The following SCAPER variants were observed in gnomAD, a reference collection of about 807,000 sequenced individuals.
The protein encoded by SCAPER is S-phase cyclin A associated protein in the ER.
A neutral mutation model predicts 182.2 loss-of-function variants in SCAPER; 98 were observed. That is an observed-to-expected ratio of 0.54 (90% CI 0.46 to 0.64). The LOEUF (loss-of-function observed/expected upper bound fraction) is 0.64. Among genes scored for constraint, SCAPER ranks in the 30% least tolerant of loss-of-function variants. The pLI, the probability that SCAPER is intolerant of heterozygous loss-of-function variation, is 0.00. For synonymous variants in SCAPER, 605 were observed against 564.6 expected, an observed-to-expected ratio of 1.07 and a Z score of -1.01; for missense variants, 1,432 against 1,690.0, an observed-to-expected ratio of 0.85 and a Z score of 2.68.
At chr15:76,567,502 G>T in intron 23 of SCAPER, 1 of 307,210 alleles carries the variant, frequency 3.3e-6, no homozygotes, top group East Asian at 1.1e-4. Flanking sequence ...CACAAACATT[G>T]TCTGTATGTT....
chr15:76,877,741 A>AAG (rs1465666065), intron 2 of SCAPER, among the ~76,000 whole-genome samples: 1 of 152,218 alleles, frequency 6.6e-6, no homozygotes, highest in Non-Finnish European at 1.5e-5. Context: ...AAAGTCAAGA[A>AAG]AGAGAAAGGC....
chr15:76,463,898 C>T (rs1024135346), intron 25 of SCAPER, among the ~76,000 whole-genome samples: 1 of 151,708 alleles, frequency 6.6e-6, no homozygotes, highest in Non-Finnish European at 1.5e-5. Flanking sequence ...CTCTGTGATC[C>T]TTTTCCACAT....
At chr15:76,652,563 T>TCACA (rs1567708802) in intron 21 of SCAPER, among the ~76,000 whole-genome samples, 6 of 97,108 alleles carry the variant, frequency 6.2e-5, no homozygotes, top group Non-Finnish European at 1.1e-4. Context: ...ACACACACAT[T>TCACA]AGCCGGGTGT....
rs1483924966 is a variant in SCAPER, at chr15:76,607,954, T to G, written c.2711+13810A>C. Among the ~76,000 whole-genome samples the G allele has an allele frequency of 5.9e-5, 9 of 152,180 alleles. No homozygotes were observed. In the South Asian group the frequency reaches 1.7e-3, roughly 28 times the overall value. ...TCAAAGCTTTTAACTTCTTTGCCAT[T>G]GGTTCGAATTTCCTCCTGTAGCTCA... On this transcript the variant is annotated intron_variant, in intron 22 of 31. Transcript: ENST00000563290.
intron 23 of SCAPER, among the ~76,000 whole-genome samples, chr15:76,556,602 A>C (rs1055481988): frequency 3.3e-5 from 5 of 152,232 alleles, no homozygotes; most frequent in African/African-American, 1.2e-4. Context: ...GAACACCTCT[A>C]TGCACACAAA....
At position 76,348,496 on chromosome 15, in the gene SCAPER, G is replaced by GTAAA; in HGVS notation, c.*133_*136dup. On this transcript the variant is annotated 3_prime_UTR_variant, in exon 32 of 32. Transcript: ENST00000563290. ...AGTATCTACAGTCATTATAAATAGT[G>GTAAA]TAAAGTACATGCCATATCTACAGTG... 1 of 557,254 alleles carries GTAAA rather than the reference G, an allele frequency of 1.8e-6. No individual in the cohort carries two copies. Among genetic ancestry groups the GTAAA allele is most frequent in the Non-Finnish European group, 3.1e-6 (1 of 318,262 alleles). The allele number at this position is 557,254 out of a possible 1,614,324, so 34.5% of individuals were successfully genotyped here.
rs1342680618 is a variant in SCAPER at position 76,772,088 on chromosome 15, C to A, written c.1036-134G>T. On this transcript the variant is annotated intron_variant, in intron 9 of 31. Transcript: ENST00000563290. ...ACTTGACTGGATGACAGAAAATTTA[C>A]TCATCTTTTTTGTATGTTTCAAGTG... 11 of 669,188 alleles carry A rather than the reference C, an allele frequency of 1.6e-5. No individual in the cohort carries two copies. In the Middle Eastern group the frequency reaches 2.1e-3, roughly 126 times the overall value. 41.5% of individuals were successfully genotyped at this position (669,188 alleles called of 1,614,324 possible).
chr15:76,363,159 T>C (rs1043910813), intron 29 of SCAPER, among the ~76,000 whole-genome samples: 6 of 152,360 alleles, frequency 3.9e-5, no homozygotes, highest in African/African-American at 1.4e-4. Context: ...CTCAAGGCTG[T>C]CTGCTCTGTA....
intron 2 of SCAPER, among the ~76,000 whole-genome samples, chr15:76,873,898 CTT>C (rs559728517): frequency 3.5e-5 from 5 of 144,422 alleles, no homozygotes; most frequent in Admixed American, 6.9e-5. Flanking sequence ...TTTTCTTCTT[CTT>C]TTTTTTTTTT....
In SCAPER at chr15:76,771,882, T is replaced by C. The variant is rs374955263; in HGVS notation, c.1108A>G (p.Ile370Val). ...TCTGTATCAATGTGGACAGCAGATATTTCAGAAGTTCGAACATAATTGTCT... is the reference window on the plus strand; with the variant it reads ...TCTGTATCAATGTGGACAGCAGATACTTCAGAAGTTCGAACATAATTGTCT... ...IRDNYVRTSE[I>V]SAVHIDTECV... is the part of the protein sequence containing the mutation. Residue 370 changes from isoleucine to valine, a missense_variant, in exon 10 of 32, where the codon ATA (isoleucine) becomes GTA (valine). Transcript: ENST00000563290. 1.1e-5 allele frequency: 17 copies of C among 1,612,968 alleles called. No homozygotes were observed. The highest frequency in any genetic ancestry group is 1.4e-5 in the Non-Finnish European group (17 of 1,179,456).
chr15:76,428,644 G>A (rs757547095), intron 26 of SCAPER, among the ~76,000 whole-genome samples: 45 of 151,830 alleles, frequency 3.0e-4, no homozygotes, highest in Non-Finnish European at 5.9e-4. Flanking sequence ...AGGGGCTGGG[G>A]GAAGAAGAGA....
chr15:76,874,582 TA>T (rs1049663888), intron 2 of SCAPER, among the ~76,000 whole-genome samples: 73 of 152,064 alleles, frequency 4.8e-4, no homozygotes, highest in African/African-American at 1.8e-3. Context: ...GCAAAAATAG[TA>T]TTAGGAATTA....
At chr15:76,450,184 A>G (rs2048280269) in intron 25 of SCAPER, among the ~76,000 whole-genome samples, 1 of 152,250 alleles carries the variant, frequency 6.6e-6, no homozygotes, top group Non-Finnish European at 1.5e-5. Flanking sequence ...GATGTCTACT[A>G]TAGCATATTC....
At chr15:76,776,668 C>T (rs143551155) in intron 8 of SCAPER, among the ~76,000 whole-genome samples, 1 of 152,258 alleles carries the variant, frequency 6.6e-6, no homozygotes, top group African/African-American at 2.4e-5. Context: ...CCCCAACCTA[C>T]AGTAACAAGG....
chr15:76,424,711 A>G (rs1267506566), intron 26 of SCAPER, among the ~76,000 whole-genome samples: 2 of 152,166 alleles, frequency 1.3e-5, no homozygotes, highest in Admixed American at 6.5e-5. Flanking sequence ...TCTTCCTAGC[A>G]TCAATGGTCT....
chr15:76,751,749 AT>A (rs2062097648), intron 15 of SCAPER, among the ~76,000 whole-genome samples: 1 of 151,778 alleles, frequency 6.6e-6, no homozygotes, highest in African/African-American at 2.4e-5. Context: ...AATTACCTAA[AT>A]ATAAGATCTA....
chr15:76,400,937 T>G (rs1018965910), intron 27 of SCAPER, among the ~76,000 whole-genome samples: 1 of 151,460 alleles, frequency 6.6e-6, no homozygotes. Flanking sequence ...TTAAATAAAA[T>G]GTATCAGATG....
At chr15:76,527,038 A>AT (rs1178966416) in intron 23 of SCAPER, among the ~76,000 whole-genome samples, 5 of 150,396 alleles carry the variant, frequency 3.3e-5, no homozygotes, top group Non-Finnish European at 4.4e-5. Context: ...TGACTGGCTA[A>AT]TTTTTTTTTG....
At chr15:76,771,258 A>C (rs1206557127) in intron 10 of SCAPER, among the ~76,000 whole-genome samples, 1 of 152,064 alleles carries the variant, frequency 6.6e-6, no homozygotes, top group Non-Finnish European at 1.5e-5. Flanking sequence ...TAAATCTATA[A>C]ATAATCACAA....
Sources: allele counts gnomAD v4.1 joint callset (sites outside exome capture counted in the v4.1 genomes callset), GRCh38; gene constraint gnomAD v4.1.1; transcripts MANE v1.5; gene names NCBI Gene and HGNC (gene_info 2026-07-23, HGNC 2026-07-21).